Variants in ALPK1 observed in about 807,000 individuals in gnomAD.
ALPK1 encodes alpha kinase 1, also known as alpha-protein kinase 1.
Under a neutral mutation model 120.6 loss-of-function variants are expected in ALPK1, and 110 were observed. The observed-to-expected ratio is 0.91, with a 90% confidence interval of 0.78 to 1.07. The LOEUF (loss-of-function observed/expected upper bound fraction) is 1.07, where lower values mean the gene tolerates loss of function less well. ALPK1 is among the 50% of genes least tolerant of loss of function. ALPK1 has a pLI of 0.00. For missense variants in ALPK1, 1,498 were observed against 1,483.9 expected, an observed-to-expected ratio of 1.01 and a Z score of -0.16; for synonymous variants, 582 against 560.3, an observed-to-expected ratio of 1.04 and a Z score of -0.55.
chr4:112,356,620 G>T (rs180675985), intron 2 of ALPK1: 4 of 785,330 alleles, frequency 5.1e-6, no homozygotes, highest in African/African-American at 3.4e-5. Flanking sequence ...CACTTGTGCC[G>T]CAAGAAGATG....
At chr4:112,326,480 C>T (rs1227137525) in intron 2 of ALPK1, among the ~76,000 whole-genome samples, 1 of 152,076 alleles carries the variant, frequency 6.6e-6, no homozygotes, top group African/African-American at 2.4e-5. Flanking sequence ...GTGCCTGACA[C>T]ATAGTAGGCA....
chr4:112,398,897 G>A (rs1446193384), intron 4 of ALPK1, among the ~76,000 whole-genome samples: 1 of 152,136 alleles, frequency 6.6e-6, no homozygotes, highest in African/African-American at 2.4e-5. Context: ...TCACAAACGT[G>A]GAGTCAAAAC....
At chr4:112,394,196 T>A (rs1438541773) in intron 4 of ALPK1, among the ~76,000 whole-genome samples, 1 of 152,190 alleles carries the variant, frequency 6.6e-6, no homozygotes, top group East Asian at 1.9e-4. Flanking sequence ...CATGACTGCC[T>A]GGCTAGGCAG....
At chr4:112,380,559 G>T (rs1226779327) in intron 3 of ALPK1, among the ~76,000 whole-genome samples, 1 of 152,032 alleles carries the variant, frequency 6.6e-6, no homozygotes, top group Non-Finnish European at 1.5e-5. Flanking sequence ...TTCATAAATG[G>T]TTCTAAATGG....
At chr4:112,326,129 A>T (rs565738291) in intron 2 of ALPK1, among the ~76,000 whole-genome samples, 1 of 152,294 alleles carries the variant, frequency 6.6e-6, no homozygotes, top group South Asian at 2.1e-4. Context: ...AGAGATGATC[A>T]TCATTTCTTT....
At chr4:112,374,937 A>G (rs1264340809) in intron 2 of ALPK1, among the ~76,000 whole-genome samples, 1 of 152,184 alleles carries the variant, frequency 6.6e-6, no homozygotes, top group African/African-American at 2.4e-5. Context: ...TAGATTTAGT[A>G]TAATTCTTAA....
intron 6 of ALPK1, among the ~76,000 whole-genome samples, chr4:112,424,501 A>C (rs1348602570): frequency 1.3e-5 from 2 of 152,238 alleles, no homozygotes; most frequent in African/African-American, 4.8e-5. Flanking sequence ...AAAGGAGGCA[A>C]GACCTAATAG....
chr4:112,381,483 G>T (rs9884682), intron 3 of ALPK1, among the ~76,000 whole-genome samples: 2 of 151,906 alleles, frequency 1.3e-5, no homozygotes, highest in Admixed American at 6.6e-5. Flanking sequence ...TCATATGTAC[G>T]GGTCCATATA....
At chr4:112,382,247 C>G (rs1384759564) in intron 3 of ALPK1, 151 bp from the exon 4 acceptor site, 4 of 972,368 alleles carry the variant, frequency 4.1e-6, no homozygotes, top group Non-Finnish European at 5.9e-6. Context: ...TCAGAACCAA[C>G]AGCTTAGACC....
chr4:112,335,749 A>G (rs575539026), intron 2 of ALPK1, among the ~76,000 whole-genome samples: 2 of 152,286 alleles, frequency 1.3e-5, no homozygotes, highest in African/African-American at 4.8e-5. Flanking sequence ...ACCTAGTTAA[A>G]TCTAGGCAGA....
chr4:112,425,651 A>G lies in ALPK1; in HGVS notation c.536-14A>G, dbSNP rs755509952. ...TCTCTGATAATTCAAGGGAATTTTC[A>G]TCTTTTCTTTTAGGTACCTGGCTGT... On this transcript the variant is annotated splice_polypyrimidine_tract_variant and intron_variant, in intron 6 of 15. Transcript: ENST00000650871. 11 of 1,609,574 alleles carry G rather than the reference A, an allele frequency of 6.8e-6. No individual in the cohort carries two copies. The highest frequency in any genetic ancestry group is 9.3e-6 in the Non-Finnish European group (11 of 1,176,550).
At chr4:112,357,993 G>T in intron 2 of ALPK1, 1 of 670,952 alleles carries the variant, frequency 1.5e-6, no homozygotes, top group Non-Finnish European at 2.8e-6. Flanking sequence ...GTATGCCGGG[G>T]AAACACTAGC....
intron 2 of ALPK1, chr4:112,358,556 G>C: frequency 2.9e-6 from 2 of 701,088 alleles, no homozygotes; most frequent in Non-Finnish European, 5.2e-6. Context: ...GTATGAGCAG[G>C]AGCCAGACCC....
chr4:112,372,275 G>A (rs756087329), intron 2 of ALPK1, among the ~76,000 whole-genome samples: 56 of 150,250 alleles, frequency 3.7e-4, no homozygotes, highest in African/African-American at 1.2e-3. Flanking sequence ...GTGCAGTGGC[G>A]TGATCTTGGT....
intron 2 of ALPK1, chr4:112,359,904 A>C (rs1245299159): frequency 4.8e-6 from 1 of 207,944 alleles, no homozygotes; most frequent in Non-Finnish European, 1.0e-5. Context: ...CACCCAACAG[A>C]ATAGGCCAGA....
At chr4:112,357,822 G>T in intron 2 of ALPK1, 1 of 1,031,258 alleles carries the variant, frequency 9.7e-7, no homozygotes, top group Non-Finnish European at 1.5e-6. Flanking sequence ...TCATGGAAAA[G>T]AGCCTGGAGT....
At chr4:112,311,928 T>C (rs367597820) in intron 1 of ALPK1, among the ~76,000 whole-genome samples, 290 of 152,206 alleles carry the variant, frequency 1.9e-3, no homozygotes, top group African/African-American at 6.9e-3. Context: ...AAGTTAACTG[T>C]AACATGAGTG....
intron 2 of ALPK1, among the ~76,000 whole-genome samples, chr4:112,371,924 T>C (rs1731427656): frequency 6.6e-6 from 1 of 152,234 alleles, no homozygotes; most frequent in African/African-American, 2.4e-5. Flanking sequence ...GAGTATGTAA[T>C]TTAAGAGCTA....
chr4:112,388,421 A>C (rs1277805943), intron 4 of ALPK1, among the ~76,000 whole-genome samples: 2 of 152,244 alleles, frequency 1.3e-5, no homozygotes, highest in African/African-American at 4.8e-5. Flanking sequence ...TGGAAACAAT[A>C]AAATTCCCTC....
Sources: gnomAD v4.1 joint callset for allele counts (sites outside exome capture counted in the v4.1 genomes callset) on GRCh38, gnomAD v4.1.1 for gene constraint, MANE v1.5 for transcripts, NCBI Gene and HGNC (gene_info 2026-07-23, HGNC 2026-07-21) for gene names.